TMC1: variants seen among roughly 807,000 people sequenced by gnomAD.
TMC1 encodes transmembrane channel-like protein 1.
A neutral mutation model predicts 105.8 loss-of-function variants in TMC1; 84 were observed. The observed-to-expected ratio is 0.79, with a 90% CI of 0.67 to 0.95. The LOEUF is 0.95. Ranked by LOEUF, TMC1 falls within the 40% of genes least tolerant of loss-of-function variation. TMC1 has a pLI of 0.00. For synonymous variants in TMC1, 315 were observed against 311.5 expected (o/e 1.01, Z -0.12); for missense variants, 817 against 914.1 (o/e 0.89, Z 1.37).
chr9:72,676,220 G>A (rs1826199277), intron 5 of TMC1, among the ~76,000 whole-genome samples: 1 of 152,106 alleles, frequency 6.6e-6, no homozygotes, highest in Admixed American at 6.6e-5. Flanking sequence ...AATATTTTAT[G>A]CCTAGTCTTT....
chr9:72,648,450 A>G, intron 4 of TMC1, 147 bp from the exon 5 acceptor site: 1 of 631,974 alleles, frequency 1.6e-6, no homozygotes. Flanking sequence ...GGCAAACTAA[A>G]CATTCGTGAA....
At chr9:72,538,427 G>GTATTGTATTGTATTA (rs1220882986) in intron 1 of TMC1, among the ~76,000 whole-genome samples, 55 of 146,120 alleles carry the variant, frequency 3.8e-4, no homozygotes, top group Admixed American at 1.1e-3. Context: ...GTATTGTATT[G>GTATTGTATTGTATTA]TATTGTATTG....
chr9:72,524,217 C>T (rs987137076), intron 1 of TMC1, among the ~76,000 whole-genome samples: 1 of 151,930 alleles, frequency 6.6e-6, no homozygotes, highest in Non-Finnish European at 1.5e-5. Flanking sequence ...ATGCATAGTA[C>T]TTGAAAATAG....
At chr9:72,830,023 G>A (rs1829015493) in intron 21 of TMC1, among the ~76,000 whole-genome samples, 1 of 152,222 alleles carries the variant, frequency 6.6e-6, no homozygotes. Context: ...CGAAATTTAA[G>A]GCAGAAAGTC....
Position 72,688,731 on chromosome 9 carries a change from A to T in TMC1, c.39A>T (p.Lys13Asn). ...PKKVQIKVEE[K>N]EDETEESSSE... ...CAGTACAAATCAAAGTGGAGGAAAA[A>T]GAAGACGAGACTGAGGAAAGCTCAA... Residue 13 changes from lysine to asparagine, a missense_variant, in exon 6 of 24, where the codon AAA (lysine) becomes AAT (asparagine). Transcript: ENST00000297784. 1 of 1,612,140 alleles carries T rather than the reference A, an allele frequency of 6.2e-7. No homozygotes were observed.
At chr9:72,575,933 G>C (rs1824372534) in intron 1 of TMC1, among the ~76,000 whole-genome samples, 1 of 151,832 alleles carries the variant, frequency 6.6e-6, no homozygotes, top group Admixed American at 6.6e-5. Flanking sequence ...ACACAAACTA[G>C]GCTCACATGT....
At chr9:72,764,605 T>C (rs1164037163) in intron 12 of TMC1, among the ~76,000 whole-genome samples, 1 of 152,188 alleles carries the variant, frequency 6.6e-6, no homozygotes, top group Non-Finnish European at 1.5e-5. Context: ...AAGATTATTA[T>C]TGCCACGTTA....
intron 1 of TMC1, among the ~76,000 whole-genome samples, chr9:72,561,566 A>G (rs1240907988): frequency 1.1e-4 from 17 of 152,160 alleles, no homozygotes; most frequent in Non-Finnish European, 2.5e-4. Flanking sequence ...AGTAGACACC[A>G]TTTAGTAAGG....
Position 72,645,587 on chromosome 9 carries a change from T to A in TMC1, c.-52-3010T>A, listed in dbSNP as rs114169103. Reference sequence around the variant, plus strand: ...ACAATAATATCTCTCATTATGGGAGTGTTTTGAGAAAGTCAAAGCGTTAGC... The same window carrying A: ...ACAATAATATCTCTCATTATGGGAGAGTTTTGAGAAAGTCAAAGCGTTAGC... On this transcript the variant is annotated intron_variant, in intron 4 of 23. Coordinates refer to ENST00000297784, the MANE Select transcript of TMC1 (RefSeq NM_138691.3). 9.8e-3 allele frequency among the ~76,000 whole-genome samples: 1,487 copies of A among 152,268 alleles called. 29 individuals are homozygous for A. Among genetic ancestry groups the A allele is most frequent in the African/African-American group, 0.034 (1,416 of 41,532 alleles).
chr9:72,577,672 A>G (rs1230324154), intron 1 of TMC1: 2 of 151,902 alleles, frequency 1.3e-5, no homozygotes, highest in Non-Finnish European at 2.9e-5. Context: ...ACCAGGAACA[A>G]TGACTCAGTG....
At chr9:72,675,935 A>G (rs1217623141) in intron 5 of TMC1, among the ~76,000 whole-genome samples, 1 of 152,132 alleles carries the variant, frequency 6.6e-6, no homozygotes, top group South Asian at 2.1e-4. Flanking sequence ...CTTTCTTTGT[A>G]TGGAACTGAT....
At chr9:72,761,020 C>T (rs1200661432) in intron 12 of TMC1, among the ~76,000 whole-genome samples, 1 of 152,138 alleles carries the variant, frequency 6.6e-6, no homozygotes. Context: ...TCAGAATTTA[C>T]CATTTATGAA....
intron 18 of TMC1, among the ~76,000 whole-genome samples, chr9:72,815,389 C>CT (rs1828769120): frequency 6.6e-6 from 1 of 152,018 alleles, no homozygotes; most frequent in Non-Finnish European, 1.5e-5. Flanking sequence ...ACTTCTTAAG[C>CT]TTTTTTTATA....
intron 2 of TMC1, among the ~76,000 whole-genome samples, chr9:72,581,705 C>T (rs1217145258): frequency 6.6e-6 from 1 of 152,192 alleles, no homozygotes; most frequent in Non-Finnish European, 1.5e-5. Context: ...TCCTGAGTAA[C>T]AGCTCAGAAA....
At chr9:72,803,932 C>T (rs1158117002) in intron 17 of TMC1, among the ~76,000 whole-genome samples, 1 of 152,098 alleles carries the variant, frequency 6.6e-6, no homozygotes, top group Admixed American at 6.5e-5. Context: ...TACATGCCCA[C>T]GTATATTCAT....
At chr9:72,775,485 G>A (rs570787132) in intron 13 of TMC1, among the ~76,000 whole-genome samples, 103 of 152,176 alleles carry the variant, frequency 6.8e-4, no homozygotes, top group African/African-American at 2.2e-3. Context: ...AACTGTTCCC[G>A]TTAAAAACAA....
At position 72,648,657 on chromosome 9, in the gene TMC1, C is replaced by CA. The variant is rs878853229; in HGVS notation, c.15dup (p.Val6SerfsTer13). The CA allele has an allele frequency of 1.2e-6, 2 of 1,612,720 alleles. No homozygotes were observed. The highest frequency in any genetic ancestry group is 1.1e-5 in the South Asian group (1 of 91,042). ...GACAGGACACCCCCAGGATGTCACC[C>CA]AAAAAAGGTATTTACAAAATCAAGA... On this transcript the variant is annotated frameshift_variant, in exon 5 of 24. Coordinates refer to ENST00000297784, the MANE Select transcript of TMC1 (RefSeq NM_138691.3). LOFTEE classifies it high-confidence loss of function.
chr9:72,651,273 C>T (rs1825810670), intron 5 of TMC1: 1 of 151,924 alleles, frequency 6.6e-6, no homozygotes, highest in South Asian at 2.1e-4. Context: ...AGCGATGAAG[C>T]AAGGCAAATT....
At chr9:72,799,497 A>G (rs749913890) in intron 17 of TMC1, among the ~76,000 whole-genome samples, 2 of 152,144 alleles carry the variant, frequency 1.3e-5, no homozygotes, top group Admixed American at 6.6e-5. Flanking sequence ...AAAATGCTAG[A>G]CATGTATCAT....
Sources: allele counts gnomAD v4.1 joint callset (sites outside exome capture counted in the v4.1 genomes callset), GRCh38; gene constraint gnomAD v4.1.1; transcripts MANE v1.5; gene names NCBI Gene and HGNC (gene_info 2026-07-23, HGNC 2026-07-21).